The following GRID1 variants were observed in gnomAD, a reference collection of about 807,000 sequenced individuals.
GRID1 encodes glutamate receptor ionotropic, delta-1.
In GRID1, 28 loss-of-function variants were observed where a neutral mutation model predicts 98.0. That is an observed-to-expected ratio of 0.29 (90% CI 0.21 to 0.39). The LOEUF is 0.39. Among genes scored for constraint, GRID1 ranks in the 10% least tolerant of loss-of-function variants. The pLI is 1.00. For synonymous variants in GRID1, 553 were observed against 538.5 expected, an observed-to-expected ratio of 1.03 and a Z score of -0.37; for missense variants, 1,111 against 1,340.5, an observed-to-expected ratio of 0.83 and a Z score of 2.67.
At chr10:85,603,852 A>C (rs893570834) in intron 15 of GRID1, among the ~76,000 whole-genome samples, 7 of 152,208 alleles carry the variant, frequency 4.6e-5, no homozygotes, top group Non-Finnish European at 8.8e-5. Flanking sequence ...TCATGTTGGC[A>C]TCTTGTATTG....
intron 4 of GRID1, among the ~76,000 whole-genome samples, chr10:86,112,674 G>C (rs552165532): frequency 6.6e-6 from 1 of 152,098 alleles, no homozygotes; most frequent in Non-Finnish European, 1.5e-5. Flanking sequence ...CCTCCTCCTC[G>C]GCTCCTAATG....
At chr10:86,322,895 C>T (rs1847990621) in intron 2 of GRID1, among the ~76,000 whole-genome samples, 1 of 150,642 alleles carries the variant, frequency 6.6e-6, no homozygotes, top group African/African-American at 2.4e-5. Context: ...AGTTCAAGAC[C>T]AGCCTGACCA....
chr10:86,346,958 G>A (rs1848392698), intron 2 of GRID1, among the ~76,000 whole-genome samples: 1 of 152,184 alleles, frequency 6.6e-6, no homozygotes, highest in South Asian at 2.1e-4. Flanking sequence ...TGAGGGCTAT[G>A]TGTGAGAGGC....
chr10:85,715,449 A>C (rs1159542501), intron 12 of GRID1, among the ~76,000 whole-genome samples: 1 of 152,200 alleles, frequency 6.6e-6, no homozygotes, highest in Non-Finnish European at 1.5e-5. Context: ...CAACTTGCAA[A>C]ATGACAGAAA....
At chr10:85,680,660 G>A (rs529355953) in intron 12 of GRID1, among the ~76,000 whole-genome samples, 42 of 152,224 alleles carry the variant, frequency 2.8e-4, no homozygotes, top group African/African-American at 9.9e-4. Context: ...ATATCAAAAA[G>A]ATATGTGCAC....
chr10:86,086,137 C>T (rs1169454704), intron 4 of GRID1, among the ~76,000 whole-genome samples: 1 of 152,146 alleles, frequency 6.6e-6, no homozygotes, highest in African/African-American at 2.4e-5. Context: ...TCCCTGACCA[C>T]CTAGCTATTC....
intron 12 of GRID1, among the ~76,000 whole-genome samples, chr10:85,704,660 ATATACATTC>A (rs1344853082): frequency 2.0e-5 from 3 of 152,236 alleles, no homozygotes; most frequent in African/African-American, 7.2e-5. Flanking sequence ...AATTAACAGA[ATATACATTC>A]TTTTCAGCAA....
chr10:86,033,703 C>T (rs2131894519), intron 4 of GRID1, among the ~76,000 whole-genome samples: 1 of 152,332 alleles, frequency 6.6e-6, no homozygotes, highest in Non-Finnish European at 1.5e-5. Context: ...CTGGACAGGG[C>T]TCCAGGCCAG....
At chr10:85,866,885 G>T (rs1949812) in intron 6 of GRID1, among the ~76,000 whole-genome samples, 151,823 of 152,284 alleles carry the variant, frequency 1, 75,682 homozygotes, top group Middle Eastern at 1. Flanking sequence ...GCACTTCAGC[G>T]TTGCTCTTTA....
intron 8 of GRID1, among the ~76,000 whole-genome samples, chr10:85,853,941 C>T (rs1041976622): frequency 2.6e-5 from 4 of 152,222 alleles, no homozygotes; most frequent in African/African-American, 9.7e-5. Flanking sequence ...CTGCCACCTG[C>T]ACCAGCACCA....
intron 4 of GRID1, among the ~76,000 whole-genome samples, chr10:85,976,070 C>G (rs577808817): frequency 1.3e-5 from 2 of 152,326 alleles, no homozygotes; most frequent in African/African-American, 4.8e-5. Context: ...GATGCCAACA[C>G]TTCCGTGATG....
chr10:85,812,126 A>G (rs550681373), intron 8 of GRID1, among the ~76,000 whole-genome samples: 2 of 152,302 alleles, frequency 1.3e-5, no homozygotes, highest in South Asian at 4.1e-4. Flanking sequence ...GGGAGAAATA[A>G]AGTCTTTCCC....
chr10:85,913,088 T>C (rs1841563748), intron 5 of GRID1, among the ~76,000 whole-genome samples: 2 of 152,142 alleles, frequency 1.3e-5, no homozygotes, highest in South Asian at 4.1e-4. Context: ...CTGGGGTGCC[T>C]GGGTGAAAGC....
intron 15 of GRID1, among the ~76,000 whole-genome samples, chr10:85,607,490 G>A (rs1842683216): frequency 6.6e-6 from 1 of 152,206 alleles, no homozygotes; most frequent in Admixed American, 6.5e-5. Flanking sequence ...GCCGGGCTAG[G>A]GGTCTGAGAG....
intron 4 of GRID1, among the ~76,000 whole-genome samples, chr10:86,038,943 T>G (rs1028658516): frequency 3.3e-5 from 5 of 152,200 alleles, no homozygotes; most frequent in African/African-American, 1.2e-4. Context: ...GTTATTCTTG[T>G]GGTGAGCAAA....
At chr10:85,964,388 C>A (rs7919945) in intron 4 of GRID1, among the ~76,000 whole-genome samples, 25,852 of 152,110 alleles carry the variant, frequency 0.17, 2,344 homozygotes, top group African/African-American at 0.22. Context: ...TGACTTCAAA[C>A]TATACCACAA....
At chr10:85,894,135 A>G (rs1357369472) in intron 5 of GRID1, among the ~76,000 whole-genome samples, 2 of 152,342 alleles carry the variant, frequency 1.3e-5, no homozygotes, top group East Asian at 3.9e-4. Context: ...GTCAATGGTC[A>G]ATGAAACAGA....
chr10:86,151,726 C>T (rs1845172135), intron 3 of GRID1, among the ~76,000 whole-genome samples: 1 of 152,214 alleles, frequency 6.6e-6, no homozygotes, highest in African/African-American at 2.4e-5. Flanking sequence ...TCCCCCTCTG[C>T]AGACCTGTCT....
intron 6 of GRID1, among the ~76,000 whole-genome samples, chr10:85,866,303 C>CAAAAA: frequency 1.5e-5 from 1 of 65,406 alleles, no homozygotes; most frequent in Non-Finnish European, 3.0e-5. Context: ...TAAATCACAC[C>CAAAAA]AAAAAAAAAA....
Sources: gnomAD v4.1 joint callset for allele counts (sites outside exome capture counted in the v4.1 genomes callset) on GRCh38, gnomAD v4.1.1 for gene constraint, MANE v1.5 for transcripts, NCBI Gene and HGNC (gene_info 2026-07-23, HGNC 2026-07-21) for gene names.